NRG2: variants seen among roughly 807,000 people sequenced by gnomAD.
The protein encoded by NRG2 is neuregulin 2, also known as pro-neuregulin-2, membrane-bound isoform.
In NRG2, 27 loss-of-function variants were observed where a neutral mutation model predicts 73.9. That is an observed-to-expected ratio of 0.37 (90% CI 0.27 to 0.50). NRG2 has a LOEUF of 0.50. Among genes scored for constraint, NRG2 ranks in the 20% least tolerant of loss-of-function variants. The pLI, the probability that NRG2 is intolerant of heterozygous loss-of-function variation, is 0.96. For missense variants in NRG2, 1,126 were observed against 1,210.1 expected, an observed-to-expected ratio of 0.93 and a Z score of 1.03; for synonymous variants, 532 against 541.0, an observed-to-expected ratio of 0.98 and a Z score of 0.23.
Position 139,865,043 on chromosome 5 carries a change from A to C in NRG2, c.1189+506T>G. 1 of 1,291,844 alleles carries C rather than the reference A, an allele frequency of 7.7e-7. No homozygotes were observed. Among genetic ancestry groups the C allele is most frequent in the Non-Finnish European group, 1.1e-6 (1 of 886,658 alleles). 80.0% of individuals were successfully genotyped at this position (1,291,844 alleles called of 1,614,324 possible). A position where few individuals can be genotyped will look rare whatever the true frequency, so the allele number is the denominator to read the frequency against. ...ACATCTCCCCCTAGTCTTGCTAAGCAAGGCCCCATCCCTCCCCAGGGGGAG... is the reference window on the plus strand; with the variant it reads ...ACATCTCCCCCTAGTCTTGCTAAGCCAGGCCCCATCCCTCCCCAGGGGGAG... On this transcript the variant is annotated intron_variant, in intron 5 of 9. Coordinates refer to ENST00000361474, the MANE Select transcript of NRG2 (RefSeq NM_004883.3). The surrounding 1 kb of genome is among the most constrained non-coding windows in gnomAD (Gnocchi z 5.2).
intron 1 of NRG2, among the ~76,000 whole-genome samples, chr5:139,939,821 AACAG>A (rs1270139501): frequency 6.6e-6 from 1 of 152,224 alleles, no homozygotes; most frequent in African/African-American, 2.4e-5. Context: ...CAAAAAATTG[AACAG>A]ACACTTGACC....
intron 1 of NRG2, among the ~76,000 whole-genome samples, chr5:139,932,707 T>C (rs1752566223): frequency 6.6e-6 from 1 of 151,966 alleles, no homozygotes; most frequent in African/African-American, 2.4e-5. Context: ...TCTATATGTA[T>C]CCCATAATAG....
chr5:140,012,790 T>C (rs12516030), intron 1 of NRG2, among the ~76,000 whole-genome samples: 14,561 of 152,240 alleles, frequency 0.096, 1,162 homozygotes, highest in East Asian at 0.47. Context: ...CTTTCTTCCA[T>C]TCATTCATGA....
intron 1 of NRG2, among the ~76,000 whole-genome samples, chr5:139,925,481 G>C (rs1751982946): frequency 6.6e-6 from 1 of 152,220 alleles, no homozygotes; most frequent in Non-Finnish European, 1.5e-5. Context: ...GGTGCCCACT[G>C]TGTACCCTGA....
At chr5:139,993,114 G>A (rs867184027) in intron 1 of NRG2, among the ~76,000 whole-genome samples, 18 of 151,646 alleles carry the variant, frequency 1.2e-4, no homozygotes, top group African/African-American at 4.4e-4. Context: ...TTTGTGTGTG[G>A]TGTGTGTGTG....
chr5:139,857,231 G>A (rs377077537), intron 5 of NRG2, among the ~76,000 whole-genome samples: 1 of 152,166 alleles, frequency 6.6e-6, no homozygotes. Context: ...GAAGATAGAC[G>A]GGCCTGGGCT....
chr5:139,941,390 T>C (rs1055004116), intron 1 of NRG2, among the ~76,000 whole-genome samples: 2 of 152,020 alleles, frequency 1.3e-5, no homozygotes, highest in Non-Finnish European at 2.9e-5. Context: ...GGGTGGGGGA[T>C]AACATTTCAT....
At chr5:139,984,461 G>A (rs1757020973) in intron 1 of NRG2, among the ~76,000 whole-genome samples, 1 of 152,118 alleles carries the variant, frequency 6.6e-6, no homozygotes, top group Admixed American at 6.6e-5. Flanking sequence ...GACTTGTAAG[G>A]AAAATTTCCG....
At position 139,855,739 on chromosome 5, in the gene NRG2, G is replaced by A. The variant is rs549739291; in HGVS notation, c.1229C>T (p.Thr410Met). The change falls in exon 6 of 10, where the codon ACG (threonine) becomes ATG (methionine). Residue 410 changes from threonine (T) to methionine (M), a missense_variant. Coordinates refer to ENST00000361474, the MANE Select transcript of NRG2 (RefSeq NM_004883.3). Reference sequence around the variant, plus strand: ...GACCAGCAGAGCCACGCAGATGCCCGTGATGGTCAGGACCCTCTTCTGGTA... The same window carrying A: ...GACCAGCAGAGCCACGCAGATGCCCATGATGGTCAGGACCCTCTTCTGGTA... ...ELYQKRVLTI[T>M]GICVALLVVG... 98 of 1,614,088 alleles carry A rather than the reference G, an allele frequency of 6.1e-5. 1 individual carries two copies. The South Asian group carries it at 9.8e-4, about 16-fold the overall frequency.
In NRG2 at chr5:140,013,765, T is replaced by C. The variant is rs909224416; in HGVS notation, c.700+28605A>G. Among the ~76,000 whole-genome samples the C allele has an allele frequency of 4.6e-5, 7 of 152,256 alleles. No individual in the cohort carries two copies. In the South Asian group the frequency reaches 6.2e-4, roughly 14 times the overall value. Reference sequence around the variant, plus strand: ...AATGGCATCCACATTGCCAAACCCATTGATAATGAGGTTAGTACTCATCTA... The same window carrying C: ...AATGGCATCCACATTGCCAAACCCACTGATAATGAGGTTAGTACTCATCTA... On this transcript the variant is annotated intron_variant, in intron 1 of 9. Transcript: ENST00000361474.
intron 1 of NRG2, among the ~76,000 whole-genome samples, chr5:139,982,407 C>G (rs1471406377): frequency 1.3e-5 from 2 of 152,052 alleles, no homozygotes; most frequent in African/African-American, 2.4e-5. Context: ...TCCTGGCCCC[C>G]GTTCTCTGGG....
chr5:139,865,013 C>T lies in NRG2; in HGVS notation c.1189+536G>A, dbSNP rs1339080638. On this transcript the variant is annotated intron_variant, in intron 5 of 9. Transcript: ENST00000361474. The surrounding 1 kb of genome is among the most constrained non-coding windows in gnomAD (Gnocchi z 5.2). Reference sequence around the variant, plus strand: ...GTCTCCTCTAAGGAGCGCAGGACACCCTCTACATCTCCCCCTAGTCTTGCT... The same window carrying T: ...GTCTCCTCTAAGGAGCGCAGGACACTCTCTACATCTCCCCCTAGTCTTGCT... 1.0e-6 allele frequency: 1 copy of T among 998,274 alleles called. No individual in the cohort carries two copies. Among genetic ancestry groups the T allele is most frequent in the Admixed American group, 1.7e-5 (1 of 58,234 alleles). The allele number at this position is 998,274 out of a possible 1,614,324, so 61.8% of individuals were successfully genotyped here.
intron 1 of NRG2, among the ~76,000 whole-genome samples, chr5:139,888,303 A>G (rs1271559247): frequency 5.3e-5 from 8 of 152,174 alleles, no homozygotes; most frequent in Non-Finnish European, 1.2e-4. Context: ...TCATACTGAC[A>G]CTGATGGTGC....
At chr5:139,994,500 GGGA>G (rs2126603770) in intron 1 of NRG2, among the ~76,000 whole-genome samples, 1 of 152,326 alleles carries the variant, frequency 6.6e-6, no homozygotes, top group South Asian at 2.1e-4. Context: ...AAGTGAAATA[GGGA>G]GTTGTTGTTT....
chr5:139,851,846 T>C lies in NRG2; in HGVS notation c.1545-15A>G. ...GGCTCTCGTGTCTGGGAAGGCCAGA[T>C]GGGGTGAGACGAGGGGTCAGGAAGG... On this transcript the variant is annotated splice_polypyrimidine_tract_variant and intron_variant, in intron 8 of 9. Transcript: ENST00000361474. This position sits in a 1 kb window ranked among gnomAD's most constrained non-coding sequence, Gnocchi z 4.2. The C allele has an allele frequency of 1.2e-6, 2 of 1,612,800 alleles. No homozygotes were observed. The highest frequency in any genetic ancestry group is 1.7e-6 in the Non-Finnish European group (2 of 1,179,120).
intron 1 of NRG2, among the ~76,000 whole-genome samples, chr5:140,029,025 GAA>G (rs1318997400): frequency 6.6e-6 from 1 of 152,182 alleles, no homozygotes; most frequent in Non-Finnish European, 1.5e-5. Flanking sequence ...AAGAAACTTT[GAA>G]ATGACCTTGT....
intron 1 of NRG2, among the ~76,000 whole-genome samples, chr5:140,001,277 C>T (rs1222448624): frequency 6.6e-6 from 1 of 152,178 alleles, no homozygotes. Context: ...GTCCCTAGTA[C>T]CTACCACGGT....
At position 140,008,023 on chromosome 5, in the gene NRG2, C is replaced by G. The variant is rs554443635; in HGVS notation, c.700+34347G>C. On this transcript the variant is annotated intron_variant, in intron 1 of 9. Coordinates refer to ENST00000361474, the MANE Select transcript of NRG2 (RefSeq NM_004883.3). The surrounding 1 kb of genome is among the most constrained non-coding windows in gnomAD (Gnocchi z 4.2). ...CCAGGAAGTCTGATACTGTGAGACCCACAGCCGCCAGTCCTATAGTAGGAA... is the reference window on the plus strand; with the variant it reads ...CCAGGAAGTCTGATACTGTGAGACCGACAGCCGCCAGTCCTATAGTAGGAA... Among the ~76,000 whole-genome samples the G allele has an allele frequency of 6.6e-6, 1 of 152,290 alleles. No individual in the cohort carries two copies. Among genetic ancestry groups the G allele is most frequent in the Admixed American group, 6.5e-5 (1 of 15,302 alleles).
At chr5:139,953,988 G>A (rs1032124344) in intron 1 of NRG2, among the ~76,000 whole-genome samples, 4 of 152,088 alleles carry the variant, frequency 2.6e-5, no homozygotes, top group African/African-American at 9.7e-5. Context: ...GAAACCCGAA[G>A]AGAACCTGAA....
Sources: allele counts gnomAD v4.1 joint callset (sites outside exome capture counted in the v4.1 genomes callset), GRCh38; gene constraint gnomAD v4.1.1; non-coding constraint Gnocchi (gnomAD v3.1); transcripts MANE v1.5; gene names NCBI Gene and HGNC (gene_info 2026-07-23, HGNC 2026-07-21).